Variants in SH3BGR observed in about 807,000 individuals in gnomAD.
SH3BGR encodes the protein SH3 domain-binding glutamic acid-rich protein.
Under a neutral mutation model 24.5 loss-of-function variants are expected in SH3BGR, and 29 were observed. The observed-to-expected ratio is 1.18, with a 90% confidence interval of 0.88 to 1.61. SH3BGR has a LOEUF of 1.61. Ranked by LOEUF, SH3BGR falls within the 40% of genes most tolerant of loss-of-function variation. The pLI is 0.00. For synonymous variants in SH3BGR, 55 were observed against 65.7 expected (o/e 0.84, Z 0.79); for missense variants, 162 against 205.8 (o/e 0.79, Z 1.30).
chr21:39,462,390 C>G lies in SH3BGR; in HGVS notation c.61C>G (p.Gln21Glu), dbSNP rs780505219. 6.2e-7 allele frequency: 1 copy of G among 1,605,888 alleles called. No homozygotes were observed. Among genetic ancestry groups the G allele is most frequent in the Non-Finnish European group, 8.5e-7 (1 of 1,178,000 alleles). ...TCTTGACCAGATTAGGAAGAAACAG[C>G]AAGAAGTAGTGGGTTTTTTGGAAGC... ...SGSIAIRKKQ[Q>E]EVVGFLEANK... The change falls in exon 2 of 7, where the codon CAA (glutamine) becomes GAA (glutamate). Residue 21 changes from glutamine to glutamate, a missense_variant. Physicochemically the swap from Gln to Glu is conservative, Grantham distance 29. Coordinates refer to ENST00000333634, the MANE Select transcript of SH3BGR (RefSeq NM_007341.3).
chr21:39,459,169 C>T (rs1259166919), intron 1 of SH3BGR, among the ~76,000 whole-genome samples: 2 of 151,278 alleles, frequency 1.3e-5, no homozygotes, highest in Admixed American at 6.6e-5. Flanking sequence ...CCCTTTCTTT[C>T]TCCTCCTTCC....
chr21:39,507,133 G>A (rs764982255), intron 4 of SH3BGR, among the ~76,000 whole-genome samples: 10 of 152,160 alleles, frequency 6.6e-5, no homozygotes, highest in Non-Finnish European at 1.3e-4. Context: ...GGCATTTAAC[G>A]TAAAGGTTAG....
intron 6 of SH3BGR, among the ~76,000 whole-genome samples, chr21:39,512,363 C>G (rs955953948): frequency 1.3e-5 from 2 of 152,140 alleles, no homozygotes; most frequent in Admixed American, 6.5e-5. Flanking sequence ...TTAACCAGAA[C>G]GCTCCTCTGG....
Position 39,511,645 on chromosome 21 carries a change from C to T in SH3BGR, c.436-35C>T, listed in dbSNP as rs549277211. On this transcript the variant is annotated intron_variant, in intron 5 of 6. Transcript: ENST00000333634. This position sits in a 1 kb window ranked among gnomAD's most constrained non-coding sequence, Gnocchi z 4.2. ...TCTCACTGTATCCTTGGCCCTTATG[C>T]TTCTTAATACTAATGTAAGTTTTGT... 7 of 1,599,720 alleles carry T rather than the reference C, an allele frequency of 4.4e-6. No individual in the cohort carries two copies. The African/African-American group carries it at 8.1e-5, about 19-fold the overall frequency.
intron 6 of SH3BGR, among the ~76,000 whole-genome samples, chr21:39,512,739 C>A (rs2078717676): frequency 6.6e-6 from 1 of 152,018 alleles, no homozygotes; most frequent in African/African-American, 2.4e-5. Flanking sequence ...TTGCAGTGAG[C>A]CAAGATTGCA....
chr21:39,506,927 T>C (rs1232191257), intron 4 of SH3BGR, among the ~76,000 whole-genome samples: 1 of 152,132 alleles, frequency 6.6e-6, no homozygotes, highest in Non-Finnish European at 1.5e-5. Context: ...AATCACTCTT[T>C]AGGAGCTTCC....
In SH3BGR at chr21:39,515,252, GA is replaced by G; in HGVS notation, c.*201del. On this transcript the variant is annotated 3_prime_UTR_variant, in exon 7 of 7. Coordinates refer to ENST00000333634, the MANE Select transcript of SH3BGR (RefSeq NM_007341.3). ...TCCCGAATCATACAAAATTAAATGT[GA>G]AGACCGTTTATGCATACCTTCATGT... 2.6e-6 allele frequency: 1 copy of G among 377,830 alleles called. No individual in the cohort carries two copies. Among genetic ancestry groups the G allele is most frequent in the Non-Finnish European group, 5.5e-6 (1 of 183,302 alleles). The allele number at this position is 377,830 out of a possible 1,614,324, so 23.4% of individuals were successfully genotyped here.
rs1485480761 is a variant in SH3BGR, at chr21:39,515,295, T to G, written c.*242T>G. The G allele has an allele frequency of 3.9e-6, 1 of 255,284 alleles. No individual in the cohort carries two copies. Among genetic ancestry groups the G allele is most frequent in the East Asian group, 1.2e-4 (1 of 8,604 alleles). The allele number at this position is 255,284 out of a possible 1,614,324, so 15.8% of individuals were successfully genotyped here. A position where few individuals can be genotyped will look rare whatever the true frequency, so the allele number is the denominator to read the frequency against. On this transcript the variant is annotated 3_prime_UTR_variant, in exon 7 of 7. Coordinates refer to ENST00000333634, the MANE Select transcript of SH3BGR (RefSeq NM_007341.3). ...CCTTCATGTGCCTGACAGTCTTGGC[T>G]TTTGAAGATTTTTTTTTCTTTTTTG...
At chr21:39,447,416 C>CATTTTT (rs1227234170), upstream of SH3BGR, among the ~76,000 whole-genome samples, 2 of 114,710 alleles carry the variant, frequency 1.7e-5, no homozygotes, top group Non-Finnish European at 3.5e-5. Context: ...TTCGCTTTTG[C>CATTTTT]TTTTTTTTTT....
At chr21:39,456,572 T>C (rs77165160) in intron 1 of SH3BGR, among the ~76,000 whole-genome samples, 28,702 of 152,010 alleles carry the variant, frequency 0.19, 2,862 homozygotes, top group Middle Eastern at 0.27. Context: ...AGTTTCCGTG[T>C]GGGGTAGCAG....
intron 2 of SH3BGR, among the ~76,000 whole-genome samples, chr21:39,466,025 A>G (rs778963877): frequency 2.0e-5 from 3 of 152,228 alleles, no homozygotes; most frequent in Non-Finnish European, 2.9e-5. Context: ...ATCTTTATAC[A>G]TAACAGATCT....
chr21:39,514,783 T>C (rs2078754404), intron 6 of SH3BGR, among the ~76,000 whole-genome samples: 1 of 152,198 alleles, frequency 6.6e-6, no homozygotes, highest in Non-Finnish European at 1.5e-5. Context: ...CATTTAGAGC[T>C]CCGCCTCTGG....
At chr21:39,491,505 G>T in intron 3 of SH3BGR, 1 of 215,062 alleles carries the variant, frequency 4.6e-6, no homozygotes. Flanking sequence ...TTTTTCTCCA[G>T]AGAATAGTTT....
chr21:39,463,596 T>G (rs888380366), intron 2 of SH3BGR, among the ~76,000 whole-genome samples: 35 of 152,354 alleles, frequency 2.3e-4, no homozygotes, highest in African/African-American at 8.4e-4. Context: ...ACAGAACTGC[T>G]GGTTCTTTAG....
intron 1 of SH3BGR, among the ~76,000 whole-genome samples, chr21:39,454,908 A>G (rs1369161161): frequency 2.0e-5 from 3 of 152,230 alleles, no homozygotes; most frequent in East Asian, 3.8e-4. Context: ...ATGCTTTTCC[A>G]TGCATCATCT....
chr21:39,468,939 G>C (rs1049135844), intron 2 of SH3BGR, among the ~76,000 whole-genome samples: 1 of 151,710 alleles, frequency 6.6e-6, no homozygotes, highest in Non-Finnish European at 1.5e-5. Context: ...TTAATGAATG[G>C]ACTGTTTAGG....
At position 39,499,799 on chromosome 21, in the gene SH3BGR, A is replaced by G. The variant is rs1380467606; in HGVS notation, c.313-24A>G. On this transcript the variant is annotated intron_variant, in intron 3 of 6. Transcript: ENST00000333634. ...TTCTTTTTTCTGTTTTTGAGCTCAT[A>G]TCCTGGGTTTCCTTTATGACCAGGG... 6 of 1,573,942 alleles carry G rather than the reference A, an allele frequency of 3.8e-6. No homozygotes were observed. The African/African-American group carries it at 8.2e-5, about 21-fold the overall frequency.
At chr21:39,470,343 C>A (rs978332118) in intron 2 of SH3BGR, among the ~76,000 whole-genome samples, 1 of 151,992 alleles carries the variant, frequency 6.6e-6, no homozygotes, top group South Asian at 2.1e-4. Flanking sequence ...ACTGCAGCCT[C>A]CACCTCCCAG....
chr21:39,459,923 G>A (rs1278119218), intron 1 of SH3BGR, among the ~76,000 whole-genome samples: 1 of 152,176 alleles, frequency 6.6e-6, no homozygotes, highest in Non-Finnish European at 1.5e-5. Flanking sequence ...GGTCCACACA[G>A]TCTGCTGTAA....
Sources: gnomAD v4.1 joint callset for allele counts (sites outside exome capture counted in the v4.1 genomes callset) on GRCh38, gnomAD v4.1.1 for gene constraint, Gnocchi (gnomAD v3.1) non-coding constraint, MANE v1.5 for transcripts, NCBI Gene and HGNC (gene_info 2026-07-23, HGNC 2026-07-21) for gene names.